RSU1: variants seen among roughly 807,000 people sequenced by gnomAD.
RSU1 encodes the protein rsu-1.
A neutral mutation model predicts 31.1 loss-of-function variants in RSU1; 26 were observed. That is an observed-to-expected ratio of 0.84 (90% CI 0.61 to 1.16). The LOEUF is 1.16. Ranked by LOEUF, RSU1 falls within the 50% of genes most tolerant of loss-of-function variation. The pLI, the probability that RSU1 is intolerant of heterozygous loss-of-function variation, is 0.00. For synonymous variants in RSU1, 164 were observed against 136.3 expected, an observed-to-expected ratio of 1.20 and a Z score of -1.41; for missense variants, 320 against 339.1, an observed-to-expected ratio of 0.94 and a Z score of 0.44.
At chr10:16,610,814 A>ACTGGTGC (rs1371917531) in intron 8 of RSU1, among the ~76,000 whole-genome samples, 1 of 152,152 alleles carries the variant, frequency 6.6e-6, no homozygotes, top group Non-Finnish European at 1.5e-5. Flanking sequence ...CTTCTACAAA[A>ACTGGTGC]CTGGTGCCTG....
chr10:16,701,103 A>C (rs1182004763), intron 7 of RSU1, among the ~76,000 whole-genome samples: 4 of 152,228 alleles, frequency 2.6e-5, no homozygotes, highest in Non-Finnish European at 5.9e-5. Context: ...GGCAGAGCAA[A>C]GGATAAACAT....
chr10:16,712,557 C>A (rs1836042825), intron 7 of RSU1, among the ~76,000 whole-genome samples: 1 of 152,140 alleles, frequency 6.6e-6, no homozygotes, highest in Non-Finnish European at 1.5e-5. Flanking sequence ...CAATAGACTA[C>A]ATCAACCTGA....
At chr10:16,720,617 C>G (rs1021184387) in intron 7 of RSU1, among the ~76,000 whole-genome samples, 1 of 152,230 alleles carries the variant, frequency 6.6e-6, no homozygotes. Context: ...GTATCCTACA[C>G]AGAATACATA....
chr10:16,604,908 TC>T (rs1014737951), intron 8 of RSU1, among the ~76,000 whole-genome samples: 8 of 152,138 alleles, frequency 5.3e-5, no homozygotes, highest in Non-Finnish European at 1.2e-4. Flanking sequence ...AAAAGTCCTT[TC>T]TTTTCTGTTT....
rs541225588 is a variant in RSU1 at position 16,665,003 on chromosome 10, G to A, written c.731+30020C>T. 2.0e-5 allele frequency among the ~76,000 whole-genome samples: 3 copies of A among 152,088 alleles called. No individual in the cohort carries two copies. The South Asian group carries it at 6.2e-4, about 31-fold the overall frequency. ...CTGTCGCCCAGGCTGGAATGCAGTG[G>A]CACGATCTCAGTTCACTGCAACCTC... On this transcript the variant is annotated intron_variant, in intron 8 of 8. Transcript: ENST00000345264.
chr10:16,720,778 G>A (rs577718211), intron 7 of RSU1, among the ~76,000 whole-genome samples: 1 of 152,204 alleles, frequency 6.6e-6, no homozygotes, highest in African/African-American at 2.4e-5. Context: ...CATCTGTTAG[G>A]GCTGCCATGA....
chr10:16,736,808 A>G (rs1020400892), intron 7 of RSU1, among the ~76,000 whole-genome samples: 1 of 152,158 alleles, frequency 6.6e-6, no homozygotes, highest in Non-Finnish European at 1.5e-5. Flanking sequence ...AAACATGAAC[A>G]TAATAAGGAA....
chr10:16,681,459 C>T (rs1411899768), intron 8 of RSU1, among the ~76,000 whole-genome samples: 3 of 152,018 alleles, frequency 2.0e-5, no homozygotes, highest in Non-Finnish European at 4.4e-5. Flanking sequence ...GATCCATTTT[C>T]CCGTAACAAT....
chr10:16,690,989 C>T (rs761326872), intron 8 of RSU1, among the ~76,000 whole-genome samples: 2 of 151,742 alleles, frequency 1.3e-5, no homozygotes, highest in East Asian at 3.8e-4. Context: ...GGGAAGTATG[C>T]GGCTTAAACA....
At chr10:16,793,552 A>C (rs1837969851) in intron 2 of RSU1, among the ~76,000 whole-genome samples, 1 of 152,172 alleles carries the variant, frequency 6.6e-6, no homozygotes, top group Non-Finnish European at 1.5e-5. Context: ...CCAAACACAC[A>C]GTTTTTGCTC....
chr10:16,649,815 A>G (rs566743053), intron 8 of RSU1, among the ~76,000 whole-genome samples: 15 of 152,320 alleles, frequency 9.8e-5, no homozygotes, highest in Non-Finnish European at 2.2e-4. Context: ...AAGAGACATA[A>G]GGAGATTTAA....
chr10:16,708,414 G>T (rs1835948578), intron 7 of RSU1, among the ~76,000 whole-genome samples: 1 of 152,118 alleles, frequency 6.6e-6, no homozygotes, highest in Admixed American at 6.5e-5. Context: ...TGCTGTTTCA[G>T]GGGTGGCAGA....
chr10:16,634,919 C>T, intron 8 of RSU1, among the ~76,000 whole-genome samples: 1 of 152,322 alleles, frequency 6.6e-6, no homozygotes, highest in East Asian at 1.9e-4. Flanking sequence ...TATTATAGCT[C>T]ATTTTCTATC....
intron 2 of RSU1, among the ~76,000 whole-genome samples, chr10:16,801,326 T>C (rs1240901695): frequency 1.3e-5 from 2 of 152,146 alleles, no homozygotes; most frequent in African/African-American, 2.4e-5. Context: ...AATGGTAAAC[T>C]TTCCAAGAAA....
chr10:16,755,163 C>G (rs1192500555), intron 4 of RSU1, among the ~76,000 whole-genome samples, 174 bp from the exon 5 acceptor site: 7 of 152,016 alleles, frequency 4.6e-5, no homozygotes, highest in African/African-American at 1.5e-4. Context: ...ACTCTGTTGC[C>G]TAGGTTTTAG....
At chr10:16,793,913 G>C (rs1164503896) in intron 2 of RSU1, among the ~76,000 whole-genome samples, 1 of 151,714 alleles carries the variant, frequency 6.6e-6, no homozygotes, top group Non-Finnish European at 1.5e-5. Context: ...GTTTCCAGAA[G>C]AGATTAGCAT....
intron 3 of RSU1, among the ~76,000 whole-genome samples, chr10:16,771,986 C>A (rs1245225612): frequency 6.6e-6 from 1 of 152,158 alleles, no homozygotes; most frequent in Non-Finnish European, 1.5e-5. Context: ...GGTTAATAAA[C>A]AACAAGTATT....
chr10:16,808,330 A>G (rs1838320495), intron 2 of RSU1, among the ~76,000 whole-genome samples: 1 of 151,726 alleles, frequency 6.6e-6, no homozygotes, highest in South Asian at 2.1e-4. Context: ...CTAAAATTAA[A>G]AAAATTCGCC....
At chr10:16,696,314 TG>T (rs1835676202) in intron 7 of RSU1, among the ~76,000 whole-genome samples, 1 of 152,234 alleles carries the variant, frequency 6.6e-6, no homozygotes, top group African/African-American at 2.4e-5. Flanking sequence ...AAACATATCC[TG>T]GGACGCAAGT....
Sources: allele counts gnomAD v4.1 joint callset (sites outside exome capture counted in the v4.1 genomes callset), GRCh38; gene constraint gnomAD v4.1.1; transcripts MANE v1.5; gene names NCBI Gene and HGNC (gene_info 2026-07-23, HGNC 2026-07-21).